ABLIM2: variants seen among roughly 807,000 people sequenced by gnomAD.
ABLIM2 encodes actin-binding LIM protein 2.
In ABLIM2, 53 loss-of-function variants were observed where a neutral mutation model predicts 97.7. The ratio of observed to expected loss-of-function variants is 0.54; its 90% confidence interval spans 0.44 to 0.68. The LOEUF (loss-of-function observed/expected upper bound fraction) is 0.68, where lower values mean the gene tolerates loss of function less well. Among genes scored for constraint, ABLIM2 ranks in the 30% least tolerant of loss-of-function variants. The pLI, the probability that ABLIM2 is intolerant of heterozygous loss-of-function variation, is 0.00. For synonymous variants in ABLIM2, 361 were observed against 345.8 expected (o/e 1.04, Z -0.49); for missense variants, 835 against 867.2 (o/e 0.96, Z 0.47).
intron 3 of ABLIM2, among the ~76,000 whole-genome samples, chr4:8,094,881 T>C (rs1476786897): frequency 6.6e-6 from 1 of 151,992 alleles, no homozygotes; most frequent in African/African-American, 2.4e-5. Context: ...TGCAACAACC[T>C]AATACAACTA....
In ABLIM2 at chr4:8,087,294, C is replaced by T. The variant is rs1472622382; in HGVS notation, c.454+875G>A. Among the ~76,000 whole-genome samples the T allele has an allele frequency of 6.6e-6, 1 of 152,186 alleles. No individual in the cohort carries two copies. The highest frequency in any genetic ancestry group is 1.5e-5 in the Non-Finnish European group (1 of 68,038). Reference sequence around the variant, plus strand: ...GCCATCTCATGATCCGGCAGAGCCACCCCAGCTGGGAAAGGCCACCTGGCT... The same window carrying T: ...GCCATCTCATGATCCGGCAGAGCCATCCCAGCTGGGAAAGGCCACCTGGCT... On this transcript the variant is annotated intron_variant, in intron 4 of 20. Transcript: ENST00000447017. The surrounding 1 kb of genome is among the most constrained non-coding windows in gnomAD (Gnocchi z 4.6).
intron 5 of ABLIM2, 29 bp downstream of exon 5, chr4:8,080,647 G>A (rs376214747): frequency 6.4e-6 from 10 of 1,567,738 alleles, no homozygotes; most frequent in Middle Eastern, 1.7e-4. Context: ...CTGAGCGGAG[G>A]CTCTCACTAG....
At position 8,022,211 on chromosome 4, in the gene ABLIM2, C is replaced by T. The variant is rs1439636782; in HGVS notation, c.1268-1908G>A. On this transcript the variant is annotated intron_variant, in intron 12 of 20. Coordinates refer to ENST00000447017, the MANE Select transcript of ABLIM2 (RefSeq NM_001130083.2). This position sits in a 1 kb window ranked among gnomAD's most constrained non-coding sequence, Gnocchi z 7.8. ...TAAGCTGTGTGTGCTCTTGGCACAG[C>T]TCGTGGACCTGGGAGGCCAGGAAGG... Among the ~76,000 whole-genome samples, 1 of 152,200 alleles carries T rather than the reference C, an allele frequency of 6.6e-6. No homozygotes were observed. The highest frequency in any genetic ancestry group is 1.5e-5 in the Non-Finnish European group (1 of 68,042).
At chr4:8,135,198 C>T (rs1057078306) in intron 1 of ABLIM2, among the ~76,000 whole-genome samples, 3 of 152,202 alleles carry the variant, frequency 2.0e-5, no homozygotes, top group Admixed American at 6.5e-5. Flanking sequence ...CTAAGGACAA[C>T]GACACATGAT....
rs1190234954 is a variant in ABLIM2 at position 8,158,808 on chromosome 4, G to T, written c.-119C>A. ...CGCCGGCTCCGCGCCCGCTCCTTGC[G>T]CACACGCCAGGCAGCGCCGCCGCAG... On this transcript the variant is annotated 5_prime_UTR_variant, in exon 1 of 21. Transcript: ENST00000447017. 4 of 913,548 alleles carry T rather than the reference G, an allele frequency of 4.4e-6. No individual in the cohort carries two copies. The highest frequency in any genetic ancestry group is 5.6e-6 in the Non-Finnish European group (4 of 718,682). 56.6% of individuals were successfully genotyped at this position (913,548 alleles called of 1,614,324 possible).
At chr4:8,114,407 G>C (rs2176435) in intron 1 of ABLIM2, among the ~76,000 whole-genome samples, 35,461 of 152,144 alleles carry the variant, frequency 0.23, 4,659 homozygotes, top group Non-Finnish European at 0.3. Context: ...CTGTCTTTTC[G>C]GGGACTTACA....
In ABLIM2 at chr4:8,128,951, A is replaced by C. The variant is rs1231769833; in HGVS notation, c.11-22314T>G. ...CCAGCCTCCAGAACTGAGAAAAATA[A>C]ATGTCTATTATTCAGAAGCCACCAG... On this transcript the variant is annotated intron_variant, in intron 1 of 20. Transcript: ENST00000447017. The surrounding 1 kb of genome is among the most constrained non-coding windows in gnomAD (Gnocchi z 4.9). Among the ~76,000 whole-genome samples, 1 of 151,864 alleles carries C rather than the reference A, an allele frequency of 6.6e-6. No homozygotes were observed. The highest frequency in any genetic ancestry group is 2.4e-5 in the African/African-American group (1 of 41,336).
chr4:8,107,947 C>T (rs1007580952), intron 1 of ABLIM2, among the ~76,000 whole-genome samples: 2 of 152,148 alleles, frequency 1.3e-5, no homozygotes, highest in African/African-American at 4.8e-5. Context: ...GAAGGGGCCA[C>T]AAGCCAAGGA....
chr4:7,978,439 T>C (rs1735312886), intron 20 of ABLIM2, among the ~76,000 whole-genome samples: 1 of 152,180 alleles, frequency 6.6e-6, no homozygotes, highest in African/African-American at 2.4e-5. Flanking sequence ...ATTTTCATGT[T>C]GTATTATTGC....
intron 9 of ABLIM2, among the ~76,000 whole-genome samples, chr4:8,040,991 T>C (rs571378168): frequency 3.3e-4 from 50 of 152,344 alleles, no homozygotes; most frequent in African/African-American, 1.1e-3. Flanking sequence ...GGAAGCAGCA[T>C]GGCACCCCAC....
chr4:7,995,122 T>C lies in ABLIM2; in HGVS notation c.1619-2195A>G, dbSNP rs941084297. Reference sequence around the variant, plus strand: ...AGAGAAATGCAAATCAAAACCACTATGAGATATCATCTCACACCAGTTAGA... The same window carrying C: ...AGAGAAATGCAAATCAAAACCACTACGAGATATCATCTCACACCAGTTAGA... On this transcript the variant is annotated intron_variant, in intron 16 of 20. Coordinates refer to ENST00000447017, the MANE Select transcript of ABLIM2 (RefSeq NM_001130083.2). Among the ~76,000 whole-genome samples the C allele has an allele frequency of 3.5e-5, 2 of 56,382 alleles. 1 individual carries two copies. Among genetic ancestry groups the C allele is most frequent in the African/African-American group, 7.9e-5 (2 of 25,164 alleles). 37.0% of individuals were successfully genotyped at this position (56,382 alleles called of 152,430 possible).
chr4:8,089,335 C>A (rs1209572249), intron 3 of ABLIM2, among the ~76,000 whole-genome samples: 1 of 152,180 alleles, frequency 6.6e-6, no homozygotes, highest in Non-Finnish European at 1.5e-5. Context: ...CCATCAAGCT[C>A]CCAGCAGCCA....
In ABLIM2 at chr4:8,122,348, T is replaced by C. The variant is rs149756618; in HGVS notation, c.11-15711A>G. Among the ~76,000 whole-genome samples the C allele has an allele frequency of 7.2e-3, 1,091 of 152,280 alleles. 8 individuals carry two copies. The highest frequency in any genetic ancestry group is 0.014 in the Middle Eastern group (4 of 294). On this transcript the variant is annotated intron_variant, in intron 1 of 20. Transcript: ENST00000447017. This position sits in a 1 kb window ranked among gnomAD's most constrained non-coding sequence, Gnocchi z 4.1. The stretch of plus-strand genomic sequence containing the variant: ...AGGGGACACCCTCTGTCCTGGTCCA[T>C]GTGGGCTGCCAGAACAATACCAGAT...
rs184450818 is a variant in ABLIM2, at chr4:8,057,313, C to T, written c.764-3067G>A. On this transcript the variant is annotated intron_variant, in intron 7 of 20. Coordinates refer to ENST00000447017, the MANE Select transcript of ABLIM2 (RefSeq NM_001130083.2). ...GTTGGCCAGGCTGGTCTTGAACTTC[C>T]GACTTCGGGTGATCCATCCACCTCT... is the stretch of plus-strand genomic sequence containing the variant. Among the ~76,000 whole-genome samples the T allele has an allele frequency of 6.7e-3, 1,021 of 152,116 alleles. 8 individuals are homozygous for T. The highest frequency in any genetic ancestry group is 0.058 in the Middle Eastern group (17 of 294).
intron 14 of ABLIM2, among the ~76,000 whole-genome samples, chr4:8,014,794 G>C (rs1436326704): frequency 6.6e-6 from 1 of 152,224 alleles, no homozygotes; most frequent in African/African-American, 2.4e-5. Flanking sequence ...CTGGTTGTCA[G>C]GATGGAAAAA....
At chr4:8,049,114 C>T (rs1039308311) in intron 8 of ABLIM2, among the ~76,000 whole-genome samples, 1 of 152,240 alleles carries the variant, frequency 6.6e-6, no homozygotes, top group Non-Finnish European at 1.5e-5. Context: ...TCTGAGCATC[C>T]TGCACATCGG....
intron 9 of ABLIM2, chr4:8,041,569 C>T (rs1788562019): frequency 6.6e-6 from 1 of 151,722 alleles, no homozygotes; most frequent in Non-Finnish European, 1.5e-5. Flanking sequence ...CAGTCACTAC[C>T]ATCCCACGCT....
At chr4:8,038,383 C>T (rs1785926450) in intron 9 of ABLIM2, among the ~76,000 whole-genome samples, 1 of 152,168 alleles carries the variant, frequency 6.6e-6, no homozygotes, top group African/African-American at 2.4e-5. Context: ...CCAGATGCAT[C>T]CCAGTGGTCT....
intron 20 of ABLIM2, among the ~76,000 whole-genome samples, chr4:7,974,761 C>T (rs1395428215): frequency 6.6e-6 from 1 of 152,134 alleles, no homozygotes; most frequent in Non-Finnish European, 1.5e-5. Flanking sequence ...ATCCATCTAT[C>T]CATCCATCTA....
Sources: allele counts gnomAD v4.1 joint callset (sites outside exome capture counted in the v4.1 genomes callset), GRCh38; gene constraint gnomAD v4.1.1; non-coding constraint Gnocchi (gnomAD v3.1); transcripts MANE v1.5; gene names NCBI Gene and HGNC (gene_info 2026-07-23, HGNC 2026-07-21).